Variants in SYNPR observed in about 807,000 individuals in gnomAD.
SYNPR encodes the protein synaptoporin.
A neutral mutation model predicts 32.9 loss-of-function variants in SYNPR; 23 were observed. The ratio of observed to expected loss-of-function variants is 0.70; its 90% CI spans 0.50 to 0.99. SYNPR has a LOEUF of 0.99. SYNPR is among the 50% of genes least tolerant of loss of function. The pLI, the probability that SYNPR is intolerant of heterozygous loss-of-function variation, is 0.00. For synonymous variants in SYNPR, 146 were observed against 135.9 expected, an observed-to-expected ratio of 1.07 and a Z score of -0.52; for missense variants, 318 against 349.3, an observed-to-expected ratio of 0.91 and a Z score of 0.71.
the SYNPR span, among the ~76,000 whole-genome samples, chr3:63,202,430 G>A: frequency 6.6e-6 from 1 of 152,228 alleles, no homozygotes; most frequent in African/African-American, 2.4e-5. Context: ...GAAGAGAAGG[G>A]GAAGGGAGAT....
At chr3:63,326,055 T>C (rs4476494) in intron 2 of SYNPR, among the ~76,000 whole-genome samples, 68,400 of 151,516 alleles carry the variant, frequency 0.45, 15,583 homozygotes, top group Middle Eastern at 0.52. Context: ...GACCCCATGT[T>C]TCTCTGCTTG....
intron 5 of SYNPR, among the ~76,000 whole-genome samples, chr3:63,612,996 G>C (rs888685224): frequency 6.8e-6 from 1 of 148,060 alleles, no homozygotes; most frequent in African/African-American, 2.5e-5. Context: ...TTTTGAGACA[G>C]GGTTTTGCTC....
At chr3:63,367,386 A>T (rs949672097) in intron 2 of SYNPR, among the ~76,000 whole-genome samples, 7 of 136,022 alleles carry the variant, frequency 5.1e-5, no homozygotes, top group African/African-American at 1.8e-4. Flanking sequence ...TTTAGATAAG[A>T]TCTGGCTCTA....
At chr3:63,498,761 G>C (rs531446588) in intron 3 of SYNPR, among the ~76,000 whole-genome samples, 5 of 151,998 alleles carry the variant, frequency 3.3e-5, no homozygotes, top group African/African-American at 9.6e-5. Context: ...ACATGGCCTC[G>C]TGGGCCCGAT....
At position 63,445,342 on chromosome 3, in the gene SYNPR, G is replaced by C. The variant is rs375536317; in HGVS notation, c.85-35490G>C. 5.1e-4 allele frequency among the ~76,000 whole-genome samples: 77 copies of C among 152,316 alleles called. 2 individuals carry two copies. The South Asian group carries it at 0.015, about 30-fold the overall frequency. The stretch of plus-strand genomic sequence containing the variant: ...ACAAAGGAAGAACAAAAAGGCATCT[G>C]TATCTTTAAAAGGTCGGGATCCTTA... On this transcript the variant is annotated intron_variant, in intron 2 of 5. Transcript: ENST00000478300.
intron 2 of SYNPR, among the ~76,000 whole-genome samples, chr3:63,404,315 A>C (rs953921710): frequency 1.3e-5 from 2 of 152,250 alleles, no homozygotes; most frequent in African/African-American, 4.8e-5. Context: ...CCTGTTACTA[A>C]GGAAATTACA....
intron 2 of SYNPR, among the ~76,000 whole-genome samples, chr3:63,468,365 G>C (rs529892004): frequency 1.3e-5 from 2 of 152,198 alleles, no homozygotes; most frequent in Non-Finnish European, 2.9e-5. Context: ...AAATTCTTCT[G>C]ATAATAAATG....
chr3:63,421,793 T>A (rs537127256), intron 2 of SYNPR, among the ~76,000 whole-genome samples: 1 of 152,338 alleles, frequency 6.6e-6, no homozygotes, highest in South Asian at 2.1e-4. Context: ...GCTGGAGGAC[T>A]GAGGCCCCAC....
intron 1 of SYNPR, among the ~76,000 whole-genome samples, chr3:63,241,904 T>G (rs1049271973): frequency 2.0e-5 from 3 of 152,096 alleles, no homozygotes; most frequent in Non-Finnish European, 4.4e-5. Flanking sequence ...ACAGACTCCT[T>G]GTGGATTCAT....
chr3:63,304,610 T>G (rs2086891402), intron 2 of SYNPR, among the ~76,000 whole-genome samples: 1 of 151,970 alleles, frequency 6.6e-6, no homozygotes, highest in South Asian at 2.1e-4. Flanking sequence ...ATATCACAAG[T>G]GAGAATCATA....
chr3:63,240,614 T>C (rs11710912), intron 1 of SYNPR, among the ~76,000 whole-genome samples: 26,458 of 152,122 alleles, frequency 0.17, 2,548 homozygotes, highest in Non-Finnish European at 0.21. Context: ...CAAGGGGACT[T>C]ATCCAAGAAG....
chr3:63,573,265 A>T (rs1020740422), intron 4 of SYNPR, among the ~76,000 whole-genome samples: 1 of 152,194 alleles, frequency 6.6e-6, no homozygotes, highest in Non-Finnish European at 1.5e-5. Flanking sequence ...ACAGAACATC[A>T]TAGTGGACAA....
intron 3 of SYNPR, among the ~76,000 whole-genome samples, chr3:63,493,274 A>G (rs1159098088): frequency 6.6e-6 from 1 of 152,060 alleles, no homozygotes; most frequent in Non-Finnish European, 1.5e-5. Context: ...AACAGAGAGG[A>G]TTGGCAAGTA....
chr3:63,242,076 G>A (rs912863138), intron 1 of SYNPR, among the ~76,000 whole-genome samples: 3 of 152,064 alleles, frequency 2.0e-5, no homozygotes, highest in African/African-American at 7.2e-5. Flanking sequence ...GAATAAAAGC[G>A]AGGAAAGAAC....
intron 3 of SYNPR, among the ~76,000 whole-genome samples, chr3:63,494,260 C>A (rs998955320): frequency 6.6e-5 from 10 of 150,838 alleles, no homozygotes; most frequent in African/African-American, 2.4e-4. Context: ...AACAGTAGCA[C>A]TTTCACACCC....
At chr3:63,298,876 T>C (rs921373532) in intron 2 of SYNPR, among the ~76,000 whole-genome samples, 6 of 152,254 alleles carry the variant, frequency 3.9e-5, no homozygotes, top group Middle Eastern at 3.4e-3. Context: ...TTGGCTACAA[T>C]TGTGTCACCT....
chr3:63,565,999 T>C (rs4688415), intron 4 of SYNPR, among the ~76,000 whole-genome samples: 87,457 of 151,920 alleles, frequency 0.58, 26,210 homozygotes, highest in African/African-American at 0.75. Flanking sequence ...GTCTCTTTCC[T>C]CTAAGCTCTG....
chr3:63,421,267 G>A (rs1032028696), intron 2 of SYNPR, among the ~76,000 whole-genome samples: 8 of 151,906 alleles, frequency 5.3e-5, no homozygotes, highest in South Asian at 2.1e-4. Context: ...ATCAGGAAAC[G>A]TCAAATTAAA....
intron 2 of SYNPR, among the ~76,000 whole-genome samples, chr3:63,477,947 A>G (rs1427052852): frequency 6.6e-6 from 1 of 152,158 alleles, no homozygotes; most frequent in African/African-American, 2.4e-5. Flanking sequence ...TAAACTTGCT[A>G]AGTCATGCAG....
Sources: gnomAD v4.1 joint callset for allele counts (sites outside exome capture counted in the v4.1 genomes callset) on GRCh38, gnomAD v4.1.1 for gene constraint, MANE v1.5 for transcripts, NCBI Gene and HGNC (gene_info 2026-07-23, HGNC 2026-07-21) for gene names.